Variants in PDZD2 observed in about 807,000 individuals in gnomAD.
PDZD2 encodes PDZ domain containing 2, also known as PDZ domain-containing protein 2.
A neutral mutation model predicts 220.7 loss-of-function variants in PDZD2; 90 were observed. The observed-to-expected ratio is 0.41, with a 90% CI of 0.34 to 0.49. The LOEUF is 0.49. PDZD2 is among the 20% of genes least tolerant of loss of function. The probability of loss-of-function intolerance (pLI) is 0.28; values close to 1 mark genes in which losing one functional copy is unlikely to be tolerated. For synonymous variants in PDZD2, 1,375 were observed against 1,450.5 expected (o/e 0.95, Z 1.18); for missense variants, 3,174 against 3,608.5 (o/e 0.88, Z 3.08).
intron 1 of PDZD2, among the ~76,000 whole-genome samples, chr5:31,716,860 G>A (rs747814218): frequency 2.0e-5 from 3 of 152,132 alleles, no homozygotes; most frequent in African/African-American, 4.8e-5. Flanking sequence ...CCTTTGGGGT[G>A]CAGGGGCTGT....
At chr5:32,022,206 T>G (rs1198076782) in intron 6 of PDZD2, among the ~76,000 whole-genome samples, 2 of 150,786 alleles carry the variant, frequency 1.3e-5, no homozygotes, top group African/African-American at 4.9e-5. Flanking sequence ...TTTTGTTTTT[T>G]TTTGGAGTTG....
chr5:32,109,829 C>CTAAA lies in PDZD2; in HGVS notation c.*1695_*1698dup, dbSNP rs1304399877. On this transcript the variant is annotated 3_prime_UTR_variant, in exon 25 of 25. Transcript: ENST00000438447. Reference sequence around the variant, plus strand: ...TCATTTTTCTGAATGACCAATCCCACTAAACATCTTTGAAGTCGGCCTAGA... The same window carrying CTAAA: ...TCATTTTTCTGAATGACCAATCCCACTAAATAAACATCTTTGAAGTCGGCCTAGA... 3.3e-5 allele frequency: 5 copies of CTAAA among 152,648 alleles called. No homozygotes were observed. Among genetic ancestry groups the CTAAA allele is most frequent in the Admixed American group, 3.3e-4 (5 of 15,288 alleles). 9.5% of individuals were successfully genotyped at this position (152,648 alleles called of 1,614,324 possible).
intron 1 of PDZD2, among the ~76,000 whole-genome samples, chr5:31,751,932 C>A (rs72755458): frequency 0.049 from 7,483 of 152,028 alleles, 260 homozygotes; most frequent in Non-Finnish European, 0.072. Context: ...CAAGTTTAAC[C>A]ATCTTTGAGG....
chr5:31,646,155 G>C lies in PDZD2; in HGVS notation c.-361+6718G>C, dbSNP rs866261770. On this transcript the variant is annotated intron_variant, in intron 1 of 24. Transcript: ENST00000438447. This position sits in a 1 kb window ranked among gnomAD's most constrained non-coding sequence, Gnocchi z 4.7. ...TTTCACCAAAGGCCAGCATGTTTCCGATGCCTGTCTAAGGTGAACCTGGCT... is the reference window on the plus strand; with the variant it reads ...TTTCACCAAAGGCCAGCATGTTTCCCATGCCTGTCTAAGGTGAACCTGGCT... Among the ~76,000 whole-genome samples the C allele has an allele frequency of 6.6e-6, 1 of 152,112 alleles. No individual in the cohort carries two copies. Among genetic ancestry groups the C allele is most frequent in the Non-Finnish European group, 1.5e-5 (1 of 68,024 alleles).
At chr5:31,806,244 T>C (rs1020001474) in intron 2 of PDZD2, among the ~76,000 whole-genome samples, 1 of 152,212 alleles carries the variant, frequency 6.6e-6, no homozygotes, top group Non-Finnish European at 1.5e-5. Flanking sequence ...AGTTACAGTA[T>C]GTGGAAGATG....
chr5:32,048,661 C>T lies in PDZD2; in HGVS notation c.1642C>T (p.Leu548=). 1.9e-6 allele frequency: 3 copies of T among 1,614,116 alleles called. No homozygotes were observed. The highest frequency in any genetic ancestry group is 2.5e-6 in the Non-Finnish European group (3 of 1,179,994). The change falls in exon 8 of 25, where the codon CTG becomes TTG. Residue 548 remains leucine (L), a synonymous_variant. Coordinates refer to ENST00000438447, the MANE Select transcript of PDZD2 (RefSeq NM_178140.4). ...DGRKHSLPQL[L]DSSSASQEYH... is the part of the protein sequence containing the mutation. ...CCGGAAACACTCCCTCCCGCAGCTG[C>T]TGGACTCTTCCAGTGCCTCACAGGT...
At chr5:31,872,139 AGT>A (rs1277797300) in intron 2 of PDZD2, among the ~76,000 whole-genome samples, 1 of 66,394 alleles carries the variant, frequency 1.5e-5, no homozygotes, top group Non-Finnish European at 3.1e-5. Context: ...GATTAAGGTG[AGT>A]GGTGTGTGTG....
In PDZD2 at chr5:31,881,374, A is replaced by AT. The variant is rs397884700; in HGVS notation, c.476+81664dup. Reference sequence around the variant, plus strand: ...TGTGTGTGTGTGTGTGTGTGTATATATTTTTTTTTTTTTTGAGATGGAGTT... The same window carrying AT: ...TGTGTGTGTGTGTGTGTGTGTATATATTTTTTTTTTTTTTTGAGATGGAGTT... On this transcript the variant is annotated intron_variant, in intron 2 of 24. Transcript: ENST00000438447. Among the ~76,000 whole-genome samples the AT allele has an allele frequency of 8.7e-3, 868 of 100,242 alleles. 7 individuals are homozygous for AT. The highest frequency in any genetic ancestry group is 0.025 in the African/African-American group (607 of 23,924). 65.8% of individuals were successfully genotyped at this position (100,242 alleles called of 152,430 possible). A position where few individuals can be genotyped will look rare whatever the true frequency, so the allele number is the denominator to read the frequency against.
chr5:32,011,008 C>CAAAAA (rs34837601), intron 6 of PDZD2, among the ~76,000 whole-genome samples: 74 of 100,194 alleles, frequency 7.4e-4, no homozygotes, highest in African/African-American at 2.7e-3. Context: ...AAAAACCTCT[C>CAAAAA]AAAAAAAAAA....
intron 1 of PDZD2, among the ~76,000 whole-genome samples, chr5:31,668,161 C>A (rs1746077634): frequency 6.6e-6 from 1 of 152,104 alleles, no homozygotes; most frequent in African/African-American, 2.4e-5. Context: ...GCACTTGGCC[C>A]AAACTGCCTT....
At chr5:31,991,951 T>G (rs534861989) in intron 3 of PDZD2, among the ~76,000 whole-genome samples, 92 of 152,304 alleles carry the variant, frequency 6.0e-4, no homozygotes, top group African/African-American at 2.1e-3. Flanking sequence ...GAGAATCACT[T>G]GAACCCAGGA....
chr5:31,867,938 T>C (rs750282160), intron 2 of PDZD2, among the ~76,000 whole-genome samples: 1 of 151,984 alleles, frequency 6.6e-6, no homozygotes. Flanking sequence ...CTGGTGACCT[T>C]TACTGAGTGC....
At chr5:31,791,397 C>A (rs1490913409) in intron 1 of PDZD2, among the ~76,000 whole-genome samples, 1 of 151,714 alleles carries the variant, frequency 6.6e-6, no homozygotes, top group Non-Finnish European at 1.5e-5. Flanking sequence ...TCGAGACCAG[C>A]CTGACCAACA....
At chr5:31,806,556 G>A (rs551939069) in intron 2 of PDZD2, among the ~76,000 whole-genome samples, 26 of 152,320 alleles carry the variant, frequency 1.7e-4, no homozygotes, top group African/African-American at 5.8e-4. Context: ...TATTCATGGT[G>A]TTTGATGTCA....
chr5:32,013,874 C>G (rs1017064047), intron 6 of PDZD2, among the ~76,000 whole-genome samples: 1 of 152,154 alleles, frequency 6.6e-6, no homozygotes, highest in African/African-American at 2.4e-5. Flanking sequence ...GCCTCAACAC[C>G]CATCATTTCT....
intron 2 of PDZD2, among the ~76,000 whole-genome samples, chr5:31,858,041 G>A (rs891298990): frequency 6.6e-6 from 1 of 152,136 alleles, no homozygotes; most frequent in Non-Finnish European, 1.5e-5. Context: ...GGCTAGGCTG[G>A]TCTCGAACTC....
At chr5:31,934,781 T>G (rs1272781783) in intron 2 of PDZD2, among the ~76,000 whole-genome samples, 1 of 151,796 alleles carries the variant, frequency 6.6e-6, no homozygotes, top group Non-Finnish European at 1.5e-5. Flanking sequence ...AATAAATGAA[T>G]ATACTAAAAA....
chr5:31,902,808 A>G (rs888735543), intron 2 of PDZD2, among the ~76,000 whole-genome samples: 2 of 151,600 alleles, frequency 1.3e-5, no homozygotes, highest in African/African-American at 4.8e-5. Context: ...CGGAGGTTGC[A>G]GTGAGCCAGA....
chr5:31,689,336 C>CATATATATATATATATAT (rs200801339), intron 1 of PDZD2, among the ~76,000 whole-genome samples: 2 of 55,222 alleles, frequency 3.6e-5, no homozygotes, highest in African/African-American at 2.2e-4. Context: ...TATACATATA[C>CATATATATATATATATAT]ATATATATAT....
Sources: allele counts gnomAD v4.1 joint callset (sites outside exome capture counted in the v4.1 genomes callset), GRCh38; gene constraint gnomAD v4.1.1; non-coding constraint Gnocchi (gnomAD v3.1); transcripts MANE v1.5; gene names NCBI Gene and HGNC (gene_info 2026-07-23, HGNC 2026-07-21).